PUM1: variants seen among roughly 807,000 people sequenced by gnomAD.
The protein encoded by PUM1 is pumilio homolog 1.
In PUM1, 13 loss-of-function variants were observed where a neutral mutation model predicts 131.8. The ratio of observed to expected loss-of-function variants is 0.10; its 90% CI spans 0.06 to 0.16. The LOEUF is 0.16. PUM1 is among the 10% of genes least tolerant of loss of function. The pLI is 1.00. For missense variants in PUM1, 961 were observed against 1,512.4 expected, an observed-to-expected ratio of 0.64 and a Z score of 6.05; for synonymous variants, 509 against 556.5, an observed-to-expected ratio of 0.91 and a Z score of 1.20.
In PUM1 at chr1:30,992,494, G is replaced by A. The variant is rs1641830888; in HGVS notation, c.1054C>T (p.His352Tyr). 1 of 1,614,084 alleles carries A rather than the reference G, an allele frequency of 6.2e-7. No homozygotes were observed. Among genetic ancestry groups the A allele is most frequent in the Non-Finnish European group, 8.5e-7 (1 of 1,180,048 alleles). Reference sequence around the variant, plus strand: ...AACTGAAGAGGCTCCATGCCCACATGTTCCATGGGGTCCAAGGGGACACTC... The same window carrying A: ...AACTGAAGAGGCTCCATGCCCACATATTCCATGGGGTCCAAGGGGACACTC... ...SQSVPLDPME[H>Y]VGMEPLQFDY... Residue 352 changes from histidine (H) to tyrosine (Y), a missense_variant, in exon 7 of 22, where the codon CAT (histidine) becomes TAT (tyrosine). Physicochemically the swap from His to Tyr is moderately conservative, Grantham distance 83. This residue lies in a region of PUM1 where 654 missense variants were observed against 923.9 expected (regional missense o/e 0.71). Coordinates refer to ENST00000426105, the MANE Select transcript of PUM1 (RefSeq NM_001020658.2).
At position 30,989,571 on chromosome 1, in the gene PUM1, C is replaced by CAAAAAAAAAAAAAAAAA. The variant is rs1174565063; in HGVS notation, c.1158+2802_1158+2818dup. ...TGGGCAAAAGAGTGAGACTCCGTCT[C>CAAAAAAAAAAAAAAAAA]AAAAAAAAAAAAAAAAAAAAAAAAA... On this transcript the variant is annotated intron_variant, in intron 7 of 21. Transcript: ENST00000426105. Among the ~76,000 whole-genome samples, 5 of 27,704 alleles carry CAAAAAAAAAAAAAAAAA rather than the reference C, an allele frequency of 1.8e-4. 1 individual carries two copies. The highest frequency in any genetic ancestry group is 3.4e-4 in the Non-Finnish European group (5 of 14,868). The allele number at this position is 27,704 out of a possible 152,430, so 18.2% of individuals were successfully genotyped here.
Position 30,952,978 on chromosome 1 carries a change from AAAAAC to A in PUM1, c.2592-620_2592-616del, listed in dbSNP as rs370476677. Among the ~76,000 whole-genome samples the A allele has an allele frequency of 5.0e-3, 759 of 151,422 alleles. 4 individuals are homozygous for A. Among genetic ancestry groups the A allele is most frequent in the African/African-American group, 0.017 (694 of 41,204 alleles). On this transcript the variant is annotated intron_variant, in intron 15 of 21. Transcript: ENST00000426105. ...GCGACAGAGCAAGACTCTGTCTCAA[AAAAAC>A]AAAACAAAACAAAACAAAACAAAAA...
chr1:30,942,323 C>T (rs1225076004), intron 18 of PUM1, among the ~76,000 whole-genome samples, 200 bp from the exon 19 acceptor site: 1 of 149,050 alleles, frequency 6.7e-6, no homozygotes, highest in Non-Finnish European at 1.5e-5. Flanking sequence ...TCAATAAACT[C>T]ATCGCTTATC....
At chr1:31,011,121 G>T (rs1642597614) in intron 3 of PUM1, among the ~76,000 whole-genome samples, 1 of 151,132 alleles carries the variant, frequency 6.6e-6, no homozygotes, top group Admixed American at 6.6e-5. Flanking sequence ...TTACACTACT[G>T]CACTCCTGCC....
intron 18 of PUM1, 151 bp from the exon 19 acceptor site, chr1:30,942,274 C>T: frequency 5.7e-6 from 1 of 174,770 alleles, no homozygotes; most frequent in Non-Finnish European, 1.0e-5. Flanking sequence ...AACTTAATGG[C>T]ATTTAAGTTC....
chr1:31,019,955 T>C (rs1001163166), intron 3 of PUM1, among the ~76,000 whole-genome samples: 2 of 152,110 alleles, frequency 1.3e-5, no homozygotes, highest in African/African-American at 4.8e-5. Context: ...GTTTGTTACA[T>C]GGCTATAATA....
intron 20 of PUM1, among the ~76,000 whole-genome samples, chr1:30,939,312 T>C (rs1639350169): frequency 6.6e-6 from 1 of 152,194 alleles, no homozygotes; most frequent in African/African-American, 2.4e-5. Flanking sequence ...GCAGCTGAAA[T>C]CCCAGTTCAA....
At chr1:30,939,167 T>C (rs771919255) in intron 20 of PUM1, among the ~76,000 whole-genome samples, 16 of 152,224 alleles carry the variant, frequency 1.1e-4, no homozygotes, top group Non-Finnish European at 1.8e-4. Context: ...ATTATCCAGA[T>C]AGACACTGCG....
chr1:30,984,376 C>T (rs1419263938), intron 7 of PUM1, among the ~76,000 whole-genome samples: 1 of 152,208 alleles, frequency 6.6e-6, no homozygotes, highest in Non-Finnish European at 1.5e-5. Context: ...GAAAAACTCA[C>T]ACAAATGCCA....
At chr1:30,995,496 C>A (rs985851642) in intron 5 of PUM1, among the ~76,000 whole-genome samples, 7 of 151,726 alleles carry the variant, frequency 4.6e-5, no homozygotes, top group African/African-American at 1.5e-4. Flanking sequence ...CCTTTTTTTT[C>A]TTCCTTCCTT....
At position 30,936,500 on chromosome 1, in the gene PUM1, TA is replaced by T. The variant is rs1639215687; in HGVS notation, c.3435+142del. On this transcript the variant is annotated intron_variant, in intron 21 of 21. Transcript: ENST00000426105. Reference sequence around the variant, plus strand: ...GTGTAAGGACAATGGTGACTCCACATAAAAGAAAAACAGAACACAGCATGGG... The same window carrying T: ...GTGTAAGGACAATGGTGACTCCACATAAAGAAAAACAGAACACAGCATGGG... 3 of 825,774 alleles carry T rather than the reference TA, an allele frequency of 3.6e-6. No individual in the cohort carries two copies. The Admixed American group carries it at 9.0e-5, about 25-fold the overall frequency. 51.2% of individuals were successfully genotyped at this position (825,774 alleles called of 1,614,324 possible).
intron 2 of PUM1, among the ~76,000 whole-genome samples, chr1:31,038,984 A>ATATATATATATTTTTTTTTTTT: frequency 6.1e-5 from 3 of 49,416 alleles, no homozygotes; most frequent in Admixed American, 2.2e-4. Flanking sequence ...ATATATATAT[A>ATATATATATATTTTTTTTTTTT]TTTTTTTTTT....
chr1:31,049,469 T>C (rs537726926), intron 2 of PUM1, among the ~76,000 whole-genome samples: 1 of 150,666 alleles, frequency 6.6e-6, no homozygotes, highest in Non-Finnish European at 1.5e-5. Context: ...TGAGCCAAGA[T>C]CGCGCCATTG....
chr1:31,051,356 T>G (rs1439044284), intron 2 of PUM1, among the ~76,000 whole-genome samples: 1 of 149,724 alleles, frequency 6.7e-6, no homozygotes, highest in Non-Finnish European at 1.5e-5. Context: ...CAGAGTGGAG[T>G]GCAATGGCAC....
At chr1:31,061,329 C>T (rs1244071281) in intron 1 of PUM1, among the ~76,000 whole-genome samples, 1 of 152,028 alleles carries the variant, frequency 6.6e-6, no homozygotes, top group Non-Finnish European at 1.5e-5. Flanking sequence ...CTAAGAAGGC[C>T]AATGGAGGTT....
rs748196428 is a variant in PUM1, at chr1:30,933,305, T to C, written c.3473A>G (p.Tyr1158Cys). 6.8e-6 allele frequency: 11 copies of C among 1,613,806 alleles called. No homozygotes were observed. In the East Asian group the frequency reaches 1.6e-4, roughly 23 times the overall value. Reference sequence around the variant, plus strand: ...CAGCTTGGCCAGAATGTGCTTGCCATAGGTGTACTTACGAAGAGTTGCGAT... The same window carrying C: ...CAGCTTGGCCAGAATGTGCTTGCCACAGGTGTACTTACGAAGAGTTGCGAT... Reference protein sequence around the residue: ...PHIATLRKYTYGKHILAKLEK... With the variant: ...PHIATLRKYTCGKHILAKLEK... Residue 1158 changes from tyrosine (Y) to cysteine (C), a missense_variant, in exon 22 of 22, where the codon TAT becomes TGT. By Grantham distance (194) the Tyr-to-Cys change is radical (BLOSUM62 -2). This residue lies in a region of PUM1 where 178 missense variants were observed against 327.5 expected (regional missense o/e 0.54). Coordinates refer to ENST00000426105, the MANE Select transcript of PUM1 (RefSeq NM_001020658.2).
chr1:30,934,259 T>C (rs1404802960), intron 21 of PUM1, among the ~76,000 whole-genome samples: 1 of 152,234 alleles, frequency 6.6e-6, no homozygotes, highest in East Asian at 1.9e-4. Context: ...CTGTGTCTGC[T>C]ATCTTTTGCT....
chr1:31,027,180 A>G (rs936561799), intron 3 of PUM1, among the ~76,000 whole-genome samples: 2 of 152,302 alleles, frequency 1.3e-5, no homozygotes, highest in Admixed American at 1.3e-4. Flanking sequence ...ACAGTGGCTC[A>G]TGCCTGTAAT....
At chr1:30,983,091 C>T (rs1300717811) in intron 7 of PUM1, among the ~76,000 whole-genome samples, 1 of 152,204 alleles carries the variant, frequency 6.6e-6, no homozygotes, top group Non-Finnish European at 1.5e-5. Flanking sequence ...AGGAAGGGAG[C>T]CAGTCAAGAC....
Sources: gnomAD v4.1 joint callset for allele counts (sites outside exome capture counted in the v4.1 genomes callset) on GRCh38, gnomAD v4.1.1 for gene constraint, gnomAD v4.1.1 regional missense constraint, MANE v1.5 for transcripts, NCBI Gene and HGNC (gene_info 2026-07-23, HGNC 2026-07-21) for gene names.